The following PIKFYVE variants were observed in gnomAD, a reference collection of about 807,000 sequenced individuals.
PIKFYVE encodes phosphoinositide kinase, FYVE-type zinc finger containing, also known as 1-phosphatidylinositol 3-phosphate 5-kinase.
A neutral mutation model predicts 257.9 loss-of-function variants in PIKFYVE; 122 were observed. The observed-to-expected ratio is 0.47, with a 90% CI of 0.41 to 0.55. The LOEUF (loss-of-function observed/expected upper bound fraction) is 0.55. PIKFYVE is among the 20% of genes least tolerant of loss of function. The pLI is 0.00. For synonymous variants in PIKFYVE, 892 were observed against 868.9 expected, an observed-to-expected ratio of 1.03 and a Z score of -0.47; for missense variants, 2,160 against 2,536.6, an observed-to-expected ratio of 0.85 and a Z score of 3.19.
At chr2:208,301,406 C>G (rs1475520527) in intron 9 of PIKFYVE, among the ~76,000 whole-genome samples, 1 of 152,172 alleles carries the variant, frequency 6.6e-6, no homozygotes, top group East Asian at 1.9e-4. Context: ...AGCTACTGTT[C>G]ACTAATCTAG....
At position 208,357,846 on chromosome 2, in the gene PIKFYVE, T is replaced by C. The variant is rs1246859830; in HGVS notation, c.*2541T>C. 6.6e-6 allele frequency: 1 copy of C among 152,188 alleles called. No homozygotes were observed. The highest frequency in any genetic ancestry group is 2.4e-5 in the African/African-American group (1 of 41,440). 9.4% of individuals were successfully genotyped at this position (152,188 alleles called of 1,614,324 possible). On this transcript the variant is annotated 3_prime_UTR_variant, in exon 42 of 42. Coordinates refer to ENST00000264380, the MANE Select transcript of PIKFYVE (RefSeq NM_015040.4). ...ATACTTCCTTCCTTAACATACAACATGAGTCCCGAGAATAATTGATAGTAG... is the reference window on the plus strand; with the variant it reads ...ATACTTCCTTCCTTAACATACAACACGAGTCCCGAGAATAATTGATAGTAG...
In PIKFYVE at chr2:208,356,687, T is replaced by G. The variant is rs892979377; in HGVS notation, c.*1382T>G. 2.0e-5 allele frequency: 3 copies of G among 152,628 alleles called. No homozygotes were observed. Among genetic ancestry groups the G allele is most frequent in the Non-Finnish European group, 4.4e-5 (3 of 68,036 alleles). The allele number at this position is 152,628 out of a possible 1,614,324, so 9.5% of individuals were successfully genotyped here. A position where few individuals can be genotyped will look rare whatever the true frequency, so the allele number is the denominator to read the frequency against. Reference sequence around the variant, plus strand: ...ACGAAACAAAAAAAGAAAGTTATTCTTAGTAAGGAACTTCTTGTTTAATAG... The same window carrying G: ...ACGAAACAAAAAAAGAAAGTTATTCGTAGTAAGGAACTTCTTGTTTAATAG... On this transcript the variant is annotated 3_prime_UTR_variant, in exon 42 of 42. Transcript: ENST00000264380.
Position 208,328,180 on chromosome 2 carries a change from G to A in PIKFYVE, c.3619G>A (p.Val1207Met). The A allele has an allele frequency of 2.5e-6, 4 of 1,613,684 alleles. No homozygotes were observed. Among genetic ancestry groups the A allele is most frequent in the East Asian group, 2.2e-5 (1 of 44,868 alleles). Residue 1207 changes from valine to methionine, a missense_variant and splice_region_variant, in exon 21 of 42, where the codon GTG becomes ATG. Val to Met is a conservative substitution (Grantham distance 21, BLOSUM62 1). Coordinates refer to ENST00000264380, the MANE Select transcript of PIKFYVE (RefSeq NM_015040.4). The part of the protein sequence containing the change: ...ILSDAVWSTK[V>M]DCLNPINHQR... The stretch of plus-strand genomic sequence containing the variant: ...CATCCATTCATTCCTTCTATTTCAG[G>A]TGGACTGTCTGAATCCCATTAATCA...
intron 35 of PIKFYVE, 151 bp from the exon 36 acceptor site, chr2:208,349,873 A>G (rs1699607771): frequency 7.0e-6 from 8 of 1,149,892 alleles, no homozygotes; most frequent in Non-Finnish European, 8.3e-6. Context: ...GTTTAATTGT[A>G]TATCTTATGC....
intron 1 of PIKFYVE, among the ~76,000 whole-genome samples, chr2:208,267,936 G>C (rs1392622508): frequency 1.3e-5 from 2 of 152,256 alleles, no homozygotes; most frequent in Middle Eastern, 3.4e-3. Context: ...GAGCAGCCAC[G>C]TCCGGCCTTT....
chr2:208,272,937 T>A (rs1401916861), intron 2 of PIKFYVE, among the ~76,000 whole-genome samples: 1 of 152,222 alleles, frequency 6.6e-6, no homozygotes, highest in African/African-American at 2.4e-5. Context: ...AATGAACTGT[T>A]ATTGATAGAT....
In PIKFYVE at chr2:208,326,437, A is replaced by G. The variant is rs776888257; in HGVS notation, c.3618+8A>G. On this transcript the variant is annotated splice_region_variant and intron_variant, in intron 20 of 41. Transcript: ENST00000264380. ...GCTGTGTGGTCAACAAAGGTGAGCC[A>G]GACCACTTTCTGATGCTCCTGTGCA... The G allele has an allele frequency of 3.7e-6, 6 of 1,613,190 alleles. No individual in the cohort carries two copies. Among genetic ancestry groups the G allele is most frequent in the Non-Finnish European group, 5.1e-6 (6 of 1,179,212 alleles).
chr2:208,291,845 A>G (rs1017650205), intron 7 of PIKFYVE, among the ~76,000 whole-genome samples: 1 of 151,874 alleles, frequency 6.6e-6, no homozygotes, highest in Non-Finnish European at 1.5e-5. Flanking sequence ...TTTGGATTTA[A>G]TATGCTTTTT....
intron 35 of PIKFYVE, 116 bp from the exon 36 acceptor site, chr2:208,349,908 A>G: frequency 6.8e-7 from 1 of 1,460,366 alleles, no homozygotes; most frequent in Non-Finnish European, 9.3e-7. Context: ...CTTGAGTAGG[A>G]TATTTTTACT....
In PIKFYVE at chr2:208,317,889, A is replaced by G. The variant is rs1033153468; in HGVS notation, c.2030A>G (p.Asp677Gly). Reference protein sequence around the residue: ...IKKIPGGKKFDSVVVNGFVCT... With the variant: ...IKKIPGGKKFGSVVVNGFVCT... Reference sequence around the variant, plus strand: ...TAGATCCCAGGTGGAAAGAAGTTTGATTCTGTGGTTGTCAATGGCTTTGTT... The same window carrying G: ...TAGATCCCAGGTGGAAAGAAGTTTGGTTCTGTGGTTGTCAATGGCTTTGTT... Residue 677 changes from aspartate to glycine, a missense_variant, in exon 16 of 42, where the codon GAT (aspartate) becomes GGT (glycine). Asp to Gly is a moderately conservative substitution (Grantham distance 94). Around this residue, in one of 12 missense-constraint regions of PIKFYVE, gnomAD observed 346 missense variants for 365.6 expected, o/e 0.95. Coordinates refer to ENST00000264380, the MANE Select transcript of PIKFYVE (RefSeq NM_015040.4). 2 of 1,613,726 alleles carry G rather than the reference A, an allele frequency of 1.2e-6. No individual in the cohort carries two copies. The highest frequency in any genetic ancestry group is 2.7e-5 in the African/African-American group (2 of 74,914).
At chr2:208,337,035 C>A in intron 28 of PIKFYVE, 107 bp downstream of exon 28, 1 of 821,446 alleles carries the variant, frequency 1.2e-6, no homozygotes, top group Non-Finnish European at 2.0e-6. Context: ...TAATGATATC[C>A]AGTAGGGTTT....
intron 12 of PIKFYVE, among the ~76,000 whole-genome samples, chr2:208,310,289 T>G (rs887615293): frequency 5.9e-5 from 9 of 152,230 alleles, no homozygotes; most frequent in Non-Finnish European, 1.3e-4. Context: ...TTAAAGGTAG[T>G]ACTTATTAAA....
At chr2:208,332,366 T>C (rs1574671209) in intron 23 of PIKFYVE, among the ~76,000 whole-genome samples, 1 of 152,206 alleles carries the variant, frequency 6.6e-6, no homozygotes, top group Admixed American at 6.5e-5. Flanking sequence ...TTGGAGACTG[T>C]ATACACTGGT....
intron 25 of PIKFYVE, 21 bp downstream of exon 25, chr2:208,335,440 C>A (rs957876699): frequency 6.8e-7 from 1 of 1,477,126 alleles, no homozygotes; most frequent in Admixed American, 1.7e-5. Context: ...TTTCTTTTAT[C>A]ATCTTTTTTT....
chr2:208,310,950 GAGA>G (rs1172817890), intron 12 of PIKFYVE, among the ~76,000 whole-genome samples: 7 of 152,276 alleles, frequency 4.6e-5, no homozygotes, highest in African/African-American at 1.2e-4. Context: ...TGTGGCTATA[GAGA>G]AGAATACCTT....
At chr2:208,351,050 A>C (rs1699727175) in intron 37 of PIKFYVE, 103 bp downstream of exon 37, 1 of 1,433,234 alleles carries the variant, frequency 7.0e-7, no homozygotes, top group South Asian at 1.2e-5. Flanking sequence ...TTTCATAACT[A>C]TGACTTACTA....
chr2:208,355,351 G>T lies in PIKFYVE; in HGVS notation c.*46G>T, dbSNP rs752127990. 5 of 1,465,486 alleles carry T rather than the reference G, an allele frequency of 3.4e-6. No homozygotes were observed. The South Asian group carries it at 5.7e-5, about 17-fold the overall frequency. 90.8% of individuals were successfully genotyped at this position (1,465,486 alleles called of 1,614,324 possible). A position where few individuals can be genotyped will look rare whatever the true frequency, so the allele number is the denominator to read the frequency against. Reference sequence around the variant, plus strand: ...ATGGACTGTGAAGGAAAAGGGGACAGGAACAAAGGACCAAAAATAAGCTAC... The same window carrying T: ...ATGGACTGTGAAGGAAAAGGGGACATGAACAAAGGACCAAAAATAAGCTAC... On this transcript the variant is annotated 3_prime_UTR_variant, in exon 42 of 42. Coordinates refer to ENST00000264380, the MANE Select transcript of PIKFYVE (RefSeq NM_015040.4).
chr2:208,287,192 GGTTTCACTGAGGGAA>G (rs1157002256), intron 6 of PIKFYVE, among the ~76,000 whole-genome samples: 3 of 151,940 alleles, frequency 2.0e-5, no homozygotes, highest in African/African-American at 7.3e-5. Context: ...TTATAACAGT[GGTTTCACTGAGGGAA>G]GGGAAGGGAT....
Position 208,270,331 on chromosome 2 carries a change from C to T in PIKFYVE, c.-9-1180C>T, listed in dbSNP as rs149583301. Among the ~76,000 whole-genome samples, 398 of 152,152 alleles carry T rather than the reference C, an allele frequency of 2.6e-3. 1 individual carries two copies. Among genetic ancestry groups the T allele is most frequent in the African/African-American group, 8.5e-3 (353 of 41,520 alleles). Reference sequence around the variant, plus strand: ...TGCTGGGATTATAGGTGTGAGCCACCGTGCCTGGACCAGTCTACATTATTT... The same window carrying T: ...TGCTGGGATTATAGGTGTGAGCCACTGTGCCTGGACCAGTCTACATTATTT... On this transcript the variant is annotated intron_variant, in intron 1 of 41. Transcript: ENST00000264380.
Sources: allele counts gnomAD v4.1 joint callset (sites outside exome capture counted in the v4.1 genomes callset), GRCh38; gene constraint gnomAD v4.1.1; regional missense constraint gnomAD v4.1.1; transcripts MANE v1.5; gene names NCBI Gene and HGNC (gene_info 2026-07-23, HGNC 2026-07-21).